Variants in CHGB observed in about 807,000 individuals in gnomAD.
CHGB encodes secretogranin-1.
In CHGB, 46 loss-of-function variants were observed where a neutral mutation model predicts 69.9. That is an observed-to-expected ratio of 0.66 (90% CI 0.52 to 0.84). CHGB has a LOEUF of 0.84. Ranked by LOEUF, CHGB falls within the 40% of genes least tolerant of loss-of-function variation. The probability of loss-of-function intolerance (pLI) is 0.00; values close to 1 mark genes in which losing one functional copy is unlikely to be tolerated. For missense variants in CHGB, 796 were observed against 822.2 expected, an observed-to-expected ratio of 0.97 and a Z score of 0.39; for synonymous variants, 312 against 298.2, an observed-to-expected ratio of 1.05 and a Z score of -0.48.
intron 1 of CHGB, among the ~76,000 whole-genome samples, chr20:5,915,191 C>T (rs1434000202): frequency 6.6e-6 from 1 of 151,404 alleles, no homozygotes; most frequent in Non-Finnish European, 1.5e-5. Flanking sequence ...AGAACAAAGT[C>T]AAAGTGAAAA....
chr20:5,921,946 T>C (rs1392499797), intron 3 of CHGB, among the ~76,000 whole-genome samples: 2 of 152,216 alleles, frequency 1.3e-5, no homozygotes, highest in East Asian at 3.8e-4. Flanking sequence ...AGAATGGTCT[T>C]GGATTATACC....
chr20:5,916,373 G>C lies in CHGB; in HGVS notation c.96+1G>C. ...TAACAGGAACCACAATGAAGGAATGGTAAGTTGCAATGTCAATCTTAGAAT... is the reference window on the plus strand; with the variant it reads ...TAACAGGAACCACAATGAAGGAATGCTAAGTTGCAATGTCAATCTTAGAAT... On this transcript the variant is annotated splice_donor_variant, in intron 2 of 4. Transcript: ENST00000378961. LOFTEE classifies it high-confidence loss of function. 1.9e-6 allele frequency: 3 copies of C among 1,611,934 alleles called. No homozygotes were observed. Among genetic ancestry groups the C allele is most frequent in the Non-Finnish European group, 2.5e-6 (3 of 1,178,210 alleles).
At chr20:5,913,233 G>T (rs564596644) in intron 1 of CHGB, among the ~76,000 whole-genome samples, 34 of 152,182 alleles carry the variant, frequency 2.2e-4, no homozygotes, top group African/African-American at 8.2e-4. Context: ...TATAATCCAC[G>T]CTTTTAAATT....
intron 1 of CHGB, 23 bp downstream of exon 1, chr20:5,911,705 T>G: frequency 1.4e-6 from 2 of 1,425,242 alleles, no homozygotes; most frequent in Non-Finnish European, 1.8e-6. Flanking sequence ...GGCGGGCCGG[T>G]CAGCACCGCG....
At chr20:5,912,280 A>C (rs944601565) in intron 1 of CHGB, among the ~76,000 whole-genome samples, 3 of 152,056 alleles carry the variant, frequency 2.0e-5, no homozygotes, top group Non-Finnish European at 4.4e-5. Context: ...ATGTTCCTCT[A>C]TTTTGTATTT....
rs764495609 is a variant in CHGB, at chr20:5,923,159, C to A, written c.1015C>A (p.Pro339Thr). Residue 339 changes from proline (P) to threonine (T), a missense_variant, in exon 4 of 5, where the codon CCT becomes ACT. This residue lies in a region of CHGB where 518 missense variants were observed against 506.3 expected (regional missense o/e 1.02). Coordinates refer to ENST00000378961, the MANE Select transcript of CHGB (RefSeq NM_001819.3). ...STHYRASEEE[P>T]EYGEEIKGYP... The stretch of plus-strand genomic sequence containing the variant: ...CCACTACAGGGCTTCAGAGGAAGAA[C>A]CTGAATATGGAGAAGAAATAAAGGG... 2.0e-5 allele frequency: 33 copies of A among 1,613,984 alleles called. No individual in the cohort carries two copies. In the South Asian group the frequency reaches 3.4e-4, roughly 17 times the overall value.
chr20:5,913,884 G>A (rs938465022), intron 1 of CHGB, among the ~76,000 whole-genome samples: 2 of 151,828 alleles, frequency 1.3e-5, no homozygotes, highest in African/African-American at 2.4e-5. Flanking sequence ...CGCCAGCCTC[G>A]GACTCCCAAA....
intron 1 of CHGB, among the ~76,000 whole-genome samples, 171 bp downstream of exon 1, chr20:5,911,853 A>AC (rs1279229059): frequency 6.6e-6 from 1 of 152,120 alleles, no homozygotes; most frequent in Admixed American, 6.5e-5. Flanking sequence ...AGCTCCTCCC[A>AC]CCCGTTTGAC....
Position 5,922,648 on chromosome 20 carries a change from G to C in CHGB, c.504G>C (p.Glu168Asp), listed in dbSNP as rs760060877. 1.9e-5 allele frequency: 30 copies of C among 1,613,912 alleles called. No homozygotes were observed. The African/African-American group carries it at 4.0e-4, about 22-fold the overall frequency. ...GCCAGAGAGAGGATGAGGAGGAGGA[G>C]GAGGGAGAGAACTATCAAAAAGGGG... ...EKSQREDEEEEEGENYQKGER... is the reference protein window; with the variant it reads ...EKSQREDEEEDEGENYQKGER... Residue 168 changes from glutamate (E) to aspartate (D), a missense_variant, in exon 4 of 5, where the codon GAG becomes GAC. Physicochemically the swap from Glu to Asp is conservative, Grantham distance 45. Transcript: ENST00000378961.
At position 5,923,363 on chromosome 20, in the gene CHGB, G is replaced by C. The variant is rs2088528931; in HGVS notation, c.1219G>C (p.Glu407Gln). The C allele has an allele frequency of 1.2e-6, 2 of 1,613,864 alleles. No individual in the cohort carries two copies. Among genetic ancestry groups the C allele is most frequent in the East Asian group, 2.2e-5 (1 of 44,848 alleles). Reference sequence around the variant, plus strand: ...ACATGGATATGGTGAAGAAAGTGAGGAAGAGAGGGGCCTTGAGCCGGGAAA... The same window carrying C: ...ACATGGATATGGTGAAGAAAGTGAGCAAGAGAGGGGCCTTGAGCCGGGAAA... ...MAHGYGEESE[E>Q]ERGLEPGKGR... is the part of the protein sequence containing the mutation. Residue 407 changes from glutamate (E) to glutamine (Q), a missense_variant, in exon 4 of 5, where the codon GAA becomes CAA. Glu to Gln is a conservative substitution (Grantham distance 29). Around this residue, in one of 3 missense-constraint regions of CHGB, gnomAD observed 518 missense variants for 506.3 expected, o/e 1.02. Transcript: ENST00000378961.
chr20:5,916,397 A>C, intron 2 of CHGB, 25 bp downstream of exon 2: 1 of 1,590,594 alleles, frequency 6.3e-7, no homozygotes, highest in Non-Finnish European at 8.6e-7. Flanking sequence ...CAATCTTAGA[A>C]TCTAGACTTG....
In CHGB at chr20:5,922,890, A is replaced by AC; in HGVS notation, c.751dup (p.Gln251ProfsTer4). On this transcript the variant is annotated frameshift_variant, in exon 4 of 5. Transcript: ENST00000378961. LOFTEE classifies it high-confidence loss of function. The stretch of plus-strand genomic sequence containing the variant: ...GAGGAGACAGGGAGCCAGGAGAATC[A>AC]CCCCCAGGAGTCTAAAGGCCAACCC... 6.2e-7 allele frequency: 1 copy of AC among 1,613,418 alleles called. No homozygotes were observed. Among genetic ancestry groups the AC allele is most frequent in the East Asian group, 2.2e-5 (1 of 44,820 alleles).
Position 5,922,399 on chromosome 20 carries a change from G to T in CHGB, c.255G>T (p.Leu85Phe), listed in dbSNP as rs148482419. ...ENENTKFEVR[L>F]LRDPADASEA... ...AAAACACAAAGTTTGAAGTAAGATT[G>T]TTAAGAGACCCAGCTGATGCCTCGG... The change falls in exon 4 of 5, where the codon TTG (leucine) becomes TTT (phenylalanine). Residue 85 changes from leucine to phenylalanine, a missense_variant. This residue lies in a region of CHGB where 518 missense variants were observed against 506.3 expected (regional missense o/e 1.02). Transcript: ENST00000378961. 1.2e-6 allele frequency: 2 copies of T among 1,601,526 alleles called. No homozygotes were observed. The highest frequency in any genetic ancestry group is 1.7e-6 in the Non-Finnish European group (2 of 1,170,792).
chr20:5,913,933 G>C (rs146646179), intron 1 of CHGB, among the ~76,000 whole-genome samples: 1 of 152,040 alleles, frequency 6.6e-6, no homozygotes, highest in East Asian at 1.9e-4. Context: ...CACCCGGCCG[G>C]GAAAATGGTT....
At chr20:5,920,494 A>AT (rs1347583321) in intron 3 of CHGB, among the ~76,000 whole-genome samples, 4 of 152,308 alleles carry the variant, frequency 2.6e-5, no homozygotes, top group African/African-American at 9.6e-5. Context: ...TGGCTTGTAG[A>AT]TGGCTGCCTT....
In CHGB at chr20:5,923,893, G is replaced by A. The variant is rs771811980; in HGVS notation, c.1749G>A (p.Gly583=). ...KKPFSEDVNW[G]YEKRNLARVP... is the part of the protein sequence containing the mutation. ...CCTTCTCTGAGGATGTGAACTGGGG[G>A]TATGAGAAGAGAAACCTCGCCAGGG... The change falls in exon 4 of 5, where the codon GGG becomes GGA. Residue 583 remains glycine, a synonymous_variant. Transcript: ENST00000378961. 8 of 1,614,168 alleles carry A rather than the reference G, an allele frequency of 5.0e-6. No individual in the cohort carries two copies. The South Asian group carries it at 8.8e-5, about 18-fold the overall frequency.
At position 5,916,740 on chromosome 20, in the gene CHGB, A is replaced by G. The variant is rs558326102; in HGVS notation, c.97-86A>G. 144 of 1,213,184 alleles carry G rather than the reference A, an allele frequency of 1.2e-4. No individual in the cohort carries two copies. The African/African-American group carries it at 1.8e-3, about 15-fold the overall frequency. 75.2% of individuals were successfully genotyped at this position (1,213,184 alleles called of 1,614,324 possible). On this transcript the variant is annotated intron_variant, in intron 2 of 4. Transcript: ENST00000378961. ...TGCATCAGCCCAGGTCACGTAATCA[A>G]GTCTTCCTTGACAGCAGCTCTGGGT...
chr20:5,914,077 C>T (rs1187083011), intron 1 of CHGB, among the ~76,000 whole-genome samples: 2 of 152,092 alleles, frequency 1.3e-5, no homozygotes, highest in Non-Finnish European at 2.9e-5. Flanking sequence ...AATTTTTCTA[C>T]CATTTGATTG....
Position 5,918,810 on chromosome 20 carries a change from TAAAAAAAAAAAAAAAA to T in CHGB, c.190+1911_190+1926del, listed in dbSNP as rs71182109. On this transcript the variant is annotated intron_variant, in intron 3 of 4. Transcript: ENST00000378961. ...CTCAGTGACAGAGCGAGTCTCTGTC[TAAAAAAAAAAAAAAAA>T]AAAAAAAAAAAAAAAAAAAGAGCAA... 6.0e-4 allele frequency among the ~76,000 whole-genome samples: 19 copies of T among 31,456 alleles called. 1 individual carries two copies. In the South Asian group the frequency reaches 0.018, roughly 31 times the overall value. The allele number at this position is 31,456 out of a possible 152,430, so 20.6% of individuals were successfully genotyped here. A position where few individuals can be genotyped will look rare whatever the true frequency, so the allele number is the denominator to read the frequency against.
Sources: allele counts gnomAD v4.1 joint callset (sites outside exome capture counted in the v4.1 genomes callset), GRCh38; gene constraint gnomAD v4.1.1; regional missense constraint gnomAD v4.1.1; transcripts MANE v1.5; gene names NCBI Gene and HGNC (gene_info 2026-07-23, HGNC 2026-07-21).